The following EXOC6B variants were observed in gnomAD, a reference collection of about 807,000 sequenced individuals.
EXOC6B encodes the protein SEC15 homolog B.
EXOC6B carries 54 observed loss-of-function variants against 113.5 expected under a neutral mutation model. The observed-to-expected ratio is 0.48, with a 90% confidence interval of 0.38 to 0.60. The LOEUF (loss-of-function observed/expected upper bound fraction) is 0.60, where lower values mean the gene tolerates loss of function less well. Ranked by LOEUF, EXOC6B falls within the 20% of genes least tolerant of loss-of-function variation. EXOC6B has a pLI of 0.00. For synonymous variants in EXOC6B, 357 were observed against 339.0 expected, an observed-to-expected ratio of 1.05 and a Z score of -0.58; for missense variants, 797 against 977.5, an observed-to-expected ratio of 0.82 and a Z score of 2.46.
Position 72,514,686 on chromosome 2 carries a change from A to G in EXOC6B, c.1000-6T>C. 6.7e-7 allele frequency: 1 copy of G among 1,483,246 alleles called. No homozygotes were observed. Among genetic ancestry groups the G allele is most frequent in the African/African-American group, 1.4e-5 (1 of 71,458 alleles). 91.9% of individuals were successfully genotyped at this position (1,483,246 alleles called of 1,614,324 possible). A position where few individuals can be genotyped will look rare whatever the true frequency, so the allele number is the denominator to read the frequency against. ...TAGCCATCTAAAGTTTCATGCTGCA[A>G]CAAAGCAAAGAAGAAAAAGTTATTG... On this transcript the variant is annotated splice_region_variant and splice_polypyrimidine_tract_variant and intron_variant, in intron 9 of 21. Transcript: ENST00000272427.
intron 16 of EXOC6B, among the ~76,000 whole-genome samples, chr2:72,481,988 T>C (rs1397677849): frequency 6.6e-6 from 1 of 152,222 alleles, no homozygotes; most frequent in Non-Finnish European, 1.5e-5. Context: ...AATTATAACT[T>C]CCATTTTATT....
chr2:72,519,102 CA>C (rs1315247360), intron 8 of EXOC6B, among the ~76,000 whole-genome samples: 1 of 152,072 alleles, frequency 6.6e-6, no homozygotes, highest in Admixed American at 6.5e-5. Flanking sequence ...TTTGTAAACC[CA>C]AAAGCAATAC....
chr2:72,522,408 T>G (rs1701541662), intron 8 of EXOC6B, among the ~76,000 whole-genome samples: 1 of 152,184 alleles, frequency 6.6e-6, no homozygotes, highest in Non-Finnish European at 1.5e-5. Context: ...CAGGCAACAT[T>G]GGAAATAGTT....
intron 20 of EXOC6B, among the ~76,000 whole-genome samples, chr2:72,233,540 C>A (rs1333681781): frequency 6.6e-6 from 1 of 152,158 alleles, no homozygotes; most frequent in Non-Finnish European, 1.5e-5. Flanking sequence ...TCACCCTCCT[C>A]GCAAACCCCC....
chr2:72,762,106 T>C (rs13392393), intron 1 of EXOC6B, among the ~76,000 whole-genome samples: 4 of 152,020 alleles, frequency 2.6e-5, no homozygotes, highest in African/African-American at 9.6e-5. Flanking sequence ...TAGCTGGGCG[T>C]GGTGGCATGT....
At chr2:72,205,460 G>C (rs1412750028) in intron 20 of EXOC6B, among the ~76,000 whole-genome samples, 1 of 152,008 alleles carries the variant, frequency 6.6e-6, no homozygotes, top group African/African-American at 2.4e-5. Flanking sequence ...TGCTGACCAT[G>C]AAACAATGAG....
chr2:72,287,504 G>T (rs1379006931), intron 20 of EXOC6B, among the ~76,000 whole-genome samples: 1 of 150,936 alleles, frequency 6.6e-6, no homozygotes, highest in African/African-American at 2.4e-5. Flanking sequence ...ATCAACAAAG[G>T]CAAAGAAATG....
intron 8 of EXOC6B, among the ~76,000 whole-genome samples, chr2:72,522,868 T>C (rs1045472178): frequency 6.6e-6 from 1 of 152,204 alleles, no homozygotes; most frequent in Non-Finnish European, 1.5e-5. Context: ...AAAAATCTGT[T>C]CTCCAGCATC....
At chr2:72,748,920 C>T (rs966446992) in intron 1 of EXOC6B, among the ~76,000 whole-genome samples, 1 of 152,002 alleles carries the variant, frequency 6.6e-6, no homozygotes, top group African/African-American at 2.4e-5. Flanking sequence ...AACAAGGAAA[C>T]TCCAAATTAA....
In EXOC6B at chr2:72,314,091, A is replaced by T. The variant is rs115743893; in HGVS notation, c.2196+20856T>A. 6.6e-3 allele frequency among the ~76,000 whole-genome samples: 998 copies of T among 152,300 alleles called. 16 individuals carry two copies. Among genetic ancestry groups the T allele is most frequent in the African/African-American group, 0.023 (962 of 41,566 alleles). On this transcript the variant is annotated intron_variant, in intron 20 of 21. Coordinates refer to ENST00000272427, the MANE Select transcript of EXOC6B (RefSeq NM_015189.3). Reference sequence around the variant, plus strand: ...TTAGATTTCTCTGCCACCTCTCGGAATATACTACTGAATTATAATTACCCT... The same window carrying T: ...TTAGATTTCTCTGCCACCTCTCGGATTATACTACTGAATTATAATTACCCT...
chr2:72,379,135 G>A (rs1440189213), intron 19 of EXOC6B, among the ~76,000 whole-genome samples: 1 of 152,160 alleles, frequency 6.6e-6, no homozygotes, highest in African/African-American at 2.4e-5. Flanking sequence ...AGAATGAAGA[G>A]TTCACACTCT....
At chr2:72,783,573 C>A (rs1342937567) in intron 1 of EXOC6B, among the ~76,000 whole-genome samples, 3 of 152,062 alleles carry the variant, frequency 2.0e-5, no homozygotes, top group Non-Finnish European at 4.4e-5. Context: ...CTGCCCACCT[C>A]AGCCTCCCAA....
intron 18 of EXOC6B, chr2:72,464,733 A>G (rs1400883437): frequency 6.0e-6 from 1 of 167,468 alleles, no homozygotes; most frequent in Non-Finnish European, 1.3e-5. Flanking sequence ...ATGCTTAAGA[A>G]AACAGAGAAA....
At chr2:72,522,666 G>T (rs1407178423) in intron 8 of EXOC6B, among the ~76,000 whole-genome samples, 1 of 152,084 alleles carries the variant, frequency 6.6e-6, no homozygotes, top group Non-Finnish European at 1.5e-5. Context: ...TTTTAAGCAA[G>T]ATGACATCTT....
intron 8 of EXOC6B, among the ~76,000 whole-genome samples, chr2:72,553,998 T>C (rs2103643177): frequency 6.6e-6 from 1 of 152,318 alleles, no homozygotes; most frequent in Middle Eastern, 3.4e-3. Context: ...AAAAAGTTTA[T>C]AAAGACAATG....
At chr2:72,431,532 T>TCTAC (rs1553407601) in intron 18 of EXOC6B, among the ~76,000 whole-genome samples, 2 of 151,100 alleles carry the variant, frequency 1.3e-5, no homozygotes, top group African/African-American at 2.4e-5. Flanking sequence ...TATCTATCTA[T>TCTAC]CTATCTAAGA....
At chr2:72,493,702 T>A (rs1699884464) in intron 15 of EXOC6B, among the ~76,000 whole-genome samples, 1 of 152,064 alleles carries the variant, frequency 6.6e-6, no homozygotes, top group African/African-American at 2.4e-5. Context: ...GTGTTTGCTA[T>A]TTTAAAAAAA....
intron 6 of EXOC6B, among the ~76,000 whole-genome samples, chr2:72,607,755 A>T (rs1436373227): frequency 6.6e-6 from 1 of 152,168 alleles, no homozygotes; most frequent in Non-Finnish European, 1.5e-5. Flanking sequence ...ATTTTCTAAT[A>T]TTCTGTAAAA....
intron 20 of EXOC6B, among the ~76,000 whole-genome samples, chr2:72,231,975 A>C (rs959106533): frequency 1.3e-5 from 2 of 151,854 alleles, no homozygotes; most frequent in African/African-American, 4.8e-5. Context: ...TGCAAAAAAA[A>C]TTATATATAA....
Sources: gnomAD v4.1 joint callset for allele counts (sites outside exome capture counted in the v4.1 genomes callset) on GRCh38, gnomAD v4.1.1 for gene constraint, MANE v1.5 for transcripts, NCBI Gene and HGNC (gene_info 2026-07-23, HGNC 2026-07-21) for gene names.